RNF150: variants seen among roughly 807,000 people sequenced by gnomAD.
The protein encoded by RNF150 is ring finger protein 150.
RNF150 carries 24 observed loss-of-function variants against 39.3 expected under a neutral mutation model. The ratio of observed to expected loss-of-function variants is 0.61; its 90% CI spans 0.44 to 0.86. The LOEUF (loss-of-function observed/expected upper bound fraction) is 0.86. Ranked by LOEUF, RNF150 falls within the 40% of genes least tolerant of loss-of-function variation. The probability of loss-of-function intolerance (pLI) is 0.00; values close to 1 mark genes in which losing one functional copy is unlikely to be tolerated. For missense variants in RNF150, 502 were observed against 587.8 expected (o/e 0.85, Z 1.51); for synonymous variants, 255 against 227.3 (o/e 1.12, Z -1.10).
At chr4:141,058,880 A>G (rs1479237233) in intron 1 of RNF150, among the ~76,000 whole-genome samples, 1 of 152,204 alleles carries the variant, frequency 6.6e-6, no homozygotes, top group Non-Finnish European at 1.5e-5. Context: ...GTCCCAGTGC[A>G]ACAGAGTTGA....
intron 1 of RNF150, among the ~76,000 whole-genome samples, chr4:140,990,149 C>A (rs1431563244): frequency 6.6e-6 from 1 of 152,142 alleles, no homozygotes; most frequent in Non-Finnish European, 1.5e-5. Context: ...TTCTGCAACA[C>A]CCAGGAGTGA....
intron 1 of RNF150, among the ~76,000 whole-genome samples, chr4:141,150,489 C>T (rs772052906): frequency 3.9e-5 from 6 of 152,198 alleles, no homozygotes; most frequent in Non-Finnish European, 7.3e-5. Flanking sequence ...TCTACCCTGG[C>T]CTCCCTTACA....
In RNF150 at chr4:140,891,940, G is replaced by A. The variant is rs146447025; in HGVS notation, c.1198+19204C>T. On this transcript the variant is annotated intron_variant, in intron 6 of 6. Coordinates refer to ENST00000515673, the MANE Select transcript of RNF150 (RefSeq NM_020724.2). ...TAACTAATGCCTGATGATCTGAGGTGGAACAGTTTCATCCCGAAAGCACCA... is the reference window on the plus strand; with the variant it reads ...TAACTAATGCCTGATGATCTGAGGTAGAACAGTTTCATCCCGAAAGCACCA... Among the ~76,000 whole-genome samples, 1,023 of 152,190 alleles carry A rather than the reference G, an allele frequency of 6.7e-3. 13 individuals carry two copies. The highest frequency in any genetic ancestry group is 0.019 in the African/African-American group (784 of 41,534).
chr4:140,928,221 C>T (rs1731471392), intron 4 of RNF150, among the ~76,000 whole-genome samples: 1 of 152,200 alleles, frequency 6.6e-6, no homozygotes, highest in South Asian at 2.1e-4. Context: ...TTAGTGACAA[C>T]AGTGTTAAGT....
intron 1 of RNF150, among the ~76,000 whole-genome samples, chr4:141,174,491 A>C (rs72935022): frequency 8.5e-5 from 13 of 152,292 alleles, no homozygotes; most frequent in African/African-American, 2.9e-4. Flanking sequence ...TGTGACTTGC[A>C]ACTGGTAATA....
At chr4:140,942,221 G>A (rs1327900124) in intron 4 of RNF150, among the ~76,000 whole-genome samples, 1 of 152,120 alleles carries the variant, frequency 6.6e-6, no homozygotes, top group Non-Finnish European at 1.5e-5. Context: ...CCCCCACACA[G>A]CTCCAGGATT....
intron 1 of RNF150, among the ~76,000 whole-genome samples, chr4:141,028,475 T>G (rs555684634): frequency 1.0e-3 from 158 of 152,278 alleles, no homozygotes; most frequent in African/African-American, 3.6e-3. Context: ...AAATTTGGAA[T>G]TTTGCCATAA....
At chr4:140,945,706 G>A (rs780091481) in intron 4 of RNF150, among the ~76,000 whole-genome samples, 7 of 150,774 alleles carry the variant, frequency 4.6e-5, no homozygotes, top group Non-Finnish European at 7.4e-5. Context: ...TGTATCAATT[G>A]TAGAGCTAAA....
chr4:140,957,765 T>C (rs1189259538), intron 2 of RNF150, among the ~76,000 whole-genome samples: 5 of 151,734 alleles, frequency 3.3e-5, no homozygotes, highest in Admixed American at 2.0e-4. Context: ...ATGGATGAAA[T>C]TGGAAATCAT....
At chr4:141,114,157 C>A (rs1465658316) in intron 1 of RNF150, among the ~76,000 whole-genome samples, 4 of 151,932 alleles carry the variant, frequency 2.6e-5, no homozygotes, top group Admixed American at 1.3e-4. Flanking sequence ...TAACTAAAAT[C>A]AGAGCAGAAT....
rs150748282 is a variant in RNF150, at chr4:141,078,789, C to CAA, written c.484+53534_484+53535dup. Among the ~76,000 whole-genome samples the CAA allele has an allele frequency of 2.0e-3, 125 of 63,842 alleles. 1 individual carries two copies. Among genetic ancestry groups the CAA allele is most frequent in the African/African-American group, 0.014 (103 of 7,562 alleles). The allele number at this position is 63,842 out of a possible 152,430, so 41.9% of individuals were successfully genotyped here. ...TGGGCGACAGAGCGAAACTCCGTCTCAAAAAAAAAAAAAAAAAAAATATAT... is the reference window on the plus strand; with the variant it reads ...TGGGCGACAGAGCGAAACTCCGTCTCAAAAAAAAAAAAAAAAAAAAAATATAT... On this transcript the variant is annotated intron_variant, in intron 1 of 6. Transcript: ENST00000515673.
intron 1 of RNF150, among the ~76,000 whole-genome samples, chr4:141,025,043 G>C (rs558629357): frequency 6.6e-6 from 1 of 152,132 alleles, no homozygotes; most frequent in African/African-American, 2.4e-5. Flanking sequence ...CTTTTTCTTT[G>C]GCATAATAAA....
intron 1 of RNF150, among the ~76,000 whole-genome samples, chr4:141,015,936 G>T (rs186844813): frequency 2.6e-5 from 4 of 151,944 alleles, no homozygotes; most frequent in South Asian, 2.1e-4. Context: ...TTACATTTTG[G>T]GGGGTGGGGT....
chr4:141,115,552 G>C (rs961346065), intron 1 of RNF150, among the ~76,000 whole-genome samples: 1 of 152,122 alleles, frequency 6.6e-6, no homozygotes. Context: ...TCGTGAAATT[G>C]GCCATACTGC....
chr4:141,183,639 T>G (rs942774344), intron 1 of RNF150, among the ~76,000 whole-genome samples: 2 of 152,082 alleles, frequency 1.3e-5, no homozygotes, highest in Non-Finnish European at 2.9e-5. Context: ...AAGCCCCACA[T>G]GCATTAGGTA....
chr4:141,117,479 T>A (rs1322314376), intron 1 of RNF150, among the ~76,000 whole-genome samples: 4 of 152,186 alleles, frequency 2.6e-5, no homozygotes, highest in Non-Finnish European at 5.9e-5. Context: ...GGCTATAACC[T>A]ACATCCTAGA....
chr4:141,119,040 C>A (rs1472398612), intron 1 of RNF150, among the ~76,000 whole-genome samples: 68 of 152,202 alleles, frequency 4.5e-4, no homozygotes. Flanking sequence ...GGATTACAGA[C>A]ATGAGGCACC....
intron 1 of RNF150, among the ~76,000 whole-genome samples, chr4:141,051,654 C>T (rs1266428666): frequency 6.6e-6 from 1 of 152,194 alleles, no homozygotes; most frequent in Non-Finnish European, 1.5e-5. Context: ...TTTCTCATCT[C>T]CATCTGGGAC....
intron 1 of RNF150, among the ~76,000 whole-genome samples, chr4:140,976,021 T>C (rs1173177086): frequency 6.6e-6 from 1 of 152,204 alleles, no homozygotes; most frequent in Non-Finnish European, 1.5e-5. Flanking sequence ...CTAACAGCCC[T>C]GGTGTTAGAA....
Sources: allele counts gnomAD v4.1 joint callset (sites outside exome capture counted in the v4.1 genomes callset), GRCh38; gene constraint gnomAD v4.1.1; transcripts MANE v1.5; gene names NCBI Gene and HGNC (gene_info 2026-07-23, HGNC 2026-07-21).